ALK: variants seen among roughly 807,000 people sequenced by gnomAD.
The protein encoded by ALK is ALK tyrosine kinase receptor.
In ALK, 74 loss-of-function variants were observed where a neutral mutation model predicts 163.1. The ratio of observed to expected loss-of-function variants is 0.45; its 90% CI spans 0.38 to 0.55. The LOEUF (loss-of-function observed/expected upper bound fraction) is 0.55, where lower values mean the gene tolerates loss of function less well. Among genes scored for constraint, ALK ranks in the 20% least tolerant of loss-of-function variants. ALK has a pLI of 0.00. For missense variants in ALK, 2,063 were observed against 2,105.3 expected (o/e 0.98, Z 0.39); for synonymous variants, 960 against 843.2 (o/e 1.14, Z -2.40).
intron 4 of ALK, among the ~76,000 whole-genome samples, chr2:29,502,190 A>G (rs1672206122): frequency 6.6e-6 from 1 of 152,184 alleles, no homozygotes; most frequent in African/African-American, 2.4e-5. Flanking sequence ...CATATAGTCC[A>G]TGCAGCACCC....
intron 1 of ALK, among the ~76,000 whole-genome samples, chr2:29,756,980 T>C (rs1469258991): frequency 6.6e-6 from 1 of 151,542 alleles, no homozygotes; most frequent in Non-Finnish European, 1.5e-5. Flanking sequence ...CAGGGAGAGG[T>C]AAATGCTGTG....
chr2:29,784,864 G>C (rs1351526572), intron 1 of ALK, among the ~76,000 whole-genome samples: 1 of 152,110 alleles, frequency 6.6e-6, no homozygotes, highest in Non-Finnish European at 1.5e-5. Flanking sequence ...TGTTTAGCAA[G>C]AGATGCAGTG....
In ALK at chr2:29,814,582, C is replaced by T. The variant is rs1251086267; in HGVS notation, c.668-96885G>A. Among the ~76,000 whole-genome samples, 3 of 151,920 alleles carry T rather than the reference C, an allele frequency of 2.0e-5. 1 individual carries two copies. The highest frequency in any genetic ancestry group is 4.2e-4 in the South Asian group (2 of 4,790). ...GGCTGAGACAGGAGAATGTCGTGAA[C>T]CCGGGAGGCAGAGCTTGCAGTGAGC... On this transcript the variant is annotated intron_variant, in intron 1 of 28. Transcript: ENST00000389048.
intron 1 of ALK, among the ~76,000 whole-genome samples, chr2:29,780,619 G>A (rs554317654): frequency 4.5e-4 from 68 of 152,338 alleles, no homozygotes; most frequent in African/African-American, 1.5e-3. Context: ...CAGGTTGGGA[G>A]AGCTAAGCCC....
At chr2:29,426,723 C>T (rs1670143358) in intron 4 of ALK, among the ~76,000 whole-genome samples, 1 of 152,018 alleles carries the variant, frequency 6.6e-6, no homozygotes, top group South Asian at 2.1e-4. Context: ...AGTTCTTGTC[C>T]TTCTTTCTCT....
At chr2:29,438,628 T>A (rs1196524764) in intron 4 of ALK, among the ~76,000 whole-genome samples, 3 of 152,158 alleles carry the variant, frequency 2.0e-5, no homozygotes, top group South Asian at 4.1e-4. Context: ...TTGCTGCCAA[T>A]GGTTGAAGGC....
chr2:29,304,647 C>T (rs1457146971), intron 8 of ALK, among the ~76,000 whole-genome samples: 3 of 152,206 alleles, frequency 2.0e-5, no homozygotes, highest in Non-Finnish European at 4.4e-5. Context: ...TCTTCAGTGG[C>T]TTGTCAAACC....
At chr2:29,846,119 G>A (rs187093250) in intron 1 of ALK, among the ~76,000 whole-genome samples, 2 of 152,240 alleles carry the variant, frequency 1.3e-5, no homozygotes, top group East Asian at 1.9e-4. Context: ...TCATAATCTG[G>A]CCCTGCCAAT....
chr2:29,912,518 C>G (rs1667732688), intron 1 of ALK, among the ~76,000 whole-genome samples: 1 of 151,752 alleles, frequency 6.6e-6, no homozygotes, highest in Non-Finnish European at 1.5e-5. Flanking sequence ...TAGTCTTATT[C>G]TAATGGAAAT....
At chr2:29,814,689 A>T (rs528568730) in intron 1 of ALK, among the ~76,000 whole-genome samples, 3 of 151,526 alleles carry the variant, frequency 2.0e-5, no homozygotes, top group African/African-American at 7.3e-5. Flanking sequence ...ACTGTCTCTA[A>T]AAAAGAGTCA....
chr2:29,418,301 C>G (rs1005982330), intron 4 of ALK, among the ~76,000 whole-genome samples: 4 of 152,288 alleles, frequency 2.6e-5, no homozygotes, highest in African/African-American at 7.2e-5. Flanking sequence ...CCTTGGGGAT[C>G]CTGGGACTAG....
At chr2:29,488,380 T>C (rs1671827178) in intron 4 of ALK, among the ~76,000 whole-genome samples, 1 of 152,108 alleles carries the variant, frequency 6.6e-6, no homozygotes, top group Non-Finnish European at 1.5e-5. Flanking sequence ...AAACTGAGAC[T>C]CAAACACTGG....
intron 3 of ALK, among the ~76,000 whole-genome samples, chr2:29,613,862 C>A (rs1444946950): frequency 6.6e-6 from 1 of 152,208 alleles, no homozygotes; most frequent in Non-Finnish European, 1.5e-5. Context: ...GCTGGTCTTG[C>A]TTTTCCCTCT....
chr2:29,247,894 T>A (rs1361282220), intron 12 of ALK, among the ~76,000 whole-genome samples: 1 of 152,168 alleles, frequency 6.6e-6, no homozygotes, highest in Non-Finnish European at 1.5e-5. Context: ...CTGGTGCATC[T>A]TGTGTTTTTT....
At chr2:29,635,118 G>A (rs1268477495) in intron 3 of ALK, among the ~76,000 whole-genome samples, 1 of 152,156 alleles carries the variant, frequency 6.6e-6, no homozygotes, top group African/African-American at 2.4e-5. Flanking sequence ...AAATGCTGAT[G>A]ATGCAAATCA....
chr2:29,611,901 G>A (rs187199485), intron 3 of ALK, among the ~76,000 whole-genome samples: 189 of 152,192 alleles, frequency 1.2e-3, no homozygotes, highest in African/African-American at 4.4e-3. Context: ...CTTTTTCTTC[G>A]TAAATTACCA....
At chr2:29,862,596 A>C (rs139694201) in intron 1 of ALK, among the ~76,000 whole-genome samples, 2 of 152,182 alleles carry the variant, frequency 1.3e-5, no homozygotes, top group Non-Finnish European at 2.9e-5. Flanking sequence ...TGAAAATTAT[A>C]AAACATTGAT....
At chr2:29,888,640 A>G (rs1452186220) in intron 1 of ALK, among the ~76,000 whole-genome samples, 3 of 152,200 alleles carry the variant, frequency 2.0e-5, no homozygotes, top group Non-Finnish European at 4.4e-5. Context: ...TCTGTTCAGT[A>G]TACCTAATTA....
At chr2:29,477,083 A>C (rs2148115290) in intron 4 of ALK, among the ~76,000 whole-genome samples, 1 of 152,290 alleles carries the variant, frequency 6.6e-6, no homozygotes, top group South Asian at 2.1e-4. Context: ...TGTGGTGTGC[A>C]AAGGAAGAAG....
Sources: allele counts gnomAD v4.1 joint callset (sites outside exome capture counted in the v4.1 genomes callset), GRCh38; gene constraint gnomAD v4.1.1; transcripts MANE v1.5; gene names NCBI Gene and HGNC (gene_info 2026-07-23, HGNC 2026-07-21).